The following ACAP2 variants were observed in gnomAD, a reference collection of about 807,000 sequenced individuals.
ACAP2 encodes ArfGAP with coiled-coil, ankyrin repeat and PH domains 2, also known as arf-GAP with coiled-coil, ANK repeat and PH domain-containing protein 2.
Under a neutral mutation model 115.8 loss-of-function variants are expected in ACAP2, and 39 were observed. That is an observed-to-expected ratio of 0.34 (90% CI 0.26 to 0.44). The LOEUF (loss-of-function observed/expected upper bound fraction) is 0.44. ACAP2 is among the 20% of genes least tolerant of loss of function. The pLI is 1.00. For synonymous variants in ACAP2, 289 were observed against 315.8 expected (o/e 0.92, Z 0.90); for missense variants, 662 against 927.6 (o/e 0.71, Z 3.72).
chr3:195,334,831 T>G (rs996926843), intron 7 of ACAP2, among the ~76,000 whole-genome samples: 1 of 152,204 alleles, frequency 6.6e-6, no homozygotes, highest in Non-Finnish European at 1.5e-5. Flanking sequence ...AATCTCTTGT[T>G]TATAAATAAA....
intron 4 of ACAP2, among the ~76,000 whole-genome samples, chr3:195,351,770 AT>A (rs1731627427): frequency 6.6e-6 from 1 of 152,070 alleles, no homozygotes; most frequent in Admixed American, 6.6e-5. Context: ...GCCTAAATCC[AT>A]TTTTTTAATG....
intron 4 of ACAP2, among the ~76,000 whole-genome samples, chr3:195,351,198 ACCTCCG>A (rs1308170591): frequency 2.9e-5 from 4 of 138,610 alleles, no homozygotes; most frequent in Admixed American, 1.4e-4. Flanking sequence ...GCTCACTGCA[ACCTCCG>A]CCTCCCAGGT....
chr3:195,403,921 A>T (rs115667171), intron 1 of ACAP2, among the ~76,000 whole-genome samples: 338 of 152,342 alleles, frequency 2.2e-3, no homozygotes, highest in African/African-American at 7.8e-3. Flanking sequence ...CAGCCATTAG[A>T]CTGGACATTA....
rs879392253 is a variant in ACAP2 at position 195,417,940 on chromosome 3, CA to C, written c.53+24854del. Among the ~76,000 whole-genome samples, 439 of 136,030 alleles carry C rather than the reference CA, an allele frequency of 3.2e-3. 1 individual carries two copies. Among genetic ancestry groups the C allele is most frequent in the African/African-American group, 5.8e-3 (216 of 37,132 alleles). 89.2% of individuals were successfully genotyped at this position (136,030 alleles called of 152,430 possible). A position where few individuals can be genotyped will look rare whatever the true frequency, so the allele number is the denominator to read the frequency against. On this transcript the variant is annotated intron_variant, in intron 1 of 22. Coordinates refer to ENST00000326793, the MANE Select transcript of ACAP2 (RefSeq NM_012287.6). ...TGGGTGACAGAGGGAGATCCTGTCT[CA>C]AAAAAAAAAAAAGATAGTATCACCT... is the stretch of plus-strand genomic sequence containing the variant.
rs80291978 is a variant in ACAP2, at chr3:195,360,985, A to G, written c.286-15668T>C. On this transcript the variant is annotated intron_variant, in intron 4 of 22. Coordinates refer to ENST00000326793, the MANE Select transcript of ACAP2 (RefSeq NM_012287.6). ...TCACAAAACAAGTGGTAAGAAACTCAAAAAAAAAAAAAAAAAAAACCTGAA... is the reference window on the plus strand; with the variant it reads ...TCACAAAACAAGTGGTAAGAAACTCGAAAAAAAAAAAAAAAAAAACCTGAA... Among the ~76,000 whole-genome samples, 68 of 34,434 alleles carry G rather than the reference A, an allele frequency of 2.0e-3. 1 individual carries two copies. The East Asian group carries it at 0.035, about 18-fold the overall frequency. 22.6% of individuals were successfully genotyped at this position (34,434 alleles called of 152,430 possible).
chr3:195,389,879 CAAG>C (rs1311607525), intron 2 of ACAP2, among the ~76,000 whole-genome samples: 1 of 152,216 alleles, frequency 6.6e-6, no homozygotes, highest in African/African-American at 2.4e-5. Context: ...CAGTGATGCG[CAAG>C]AAGAGCGCTG....
chr3:195,305,568 G>A (rs1445712249), intron 13 of ACAP2, among the ~76,000 whole-genome samples: 1 of 151,906 alleles, frequency 6.6e-6, no homozygotes, highest in East Asian at 2.0e-4. Context: ...ACAGGAAAGA[G>A]AAGAAACTCC....
chr3:195,373,338 C>G (rs1577375270), intron 4 of ACAP2, among the ~76,000 whole-genome samples: 1 of 151,488 alleles, frequency 6.6e-6, no homozygotes, highest in East Asian at 1.9e-4. Flanking sequence ...CATATTAATC[C>G]CAAATTAAAT....
chr3:195,341,963 T>C (rs530426384), intron 6 of ACAP2, among the ~76,000 whole-genome samples: 30 of 151,498 alleles, frequency 2.0e-4, no homozygotes, highest in African/African-American at 7.0e-4. Flanking sequence ...GCATACAGAG[T>C]GGTGTAATGT....
chr3:195,286,962 T>C (rs763991598), intron 21 of ACAP2, among the ~76,000 whole-genome samples: 19 of 152,240 alleles, frequency 1.2e-4, no homozygotes, highest in Non-Finnish European at 1.8e-4. Context: ...GTTCTACATT[T>C]TCCTGCAATA....
At chr3:195,300,021 G>C (rs1444892592) in intron 15 of ACAP2, among the ~76,000 whole-genome samples, 1 of 147,528 alleles carries the variant, frequency 6.8e-6, no homozygotes, top group Non-Finnish European at 1.5e-5. Context: ...TCTACTTTCC[G>C]TCTTTCTTTT....
At chr3:195,338,399 T>TG (rs1284120264) in intron 6 of ACAP2, among the ~76,000 whole-genome samples, 3 of 152,188 alleles carry the variant, frequency 2.0e-5, no homozygotes, top group Admixed American at 6.5e-5. Context: ...ACAATCCTCC[T>TG]GCCTTAGCCC....
At chr3:195,415,409 T>A (rs1397407706) in intron 1 of ACAP2, among the ~76,000 whole-genome samples, 1 of 151,688 alleles carries the variant, frequency 6.6e-6, no homozygotes, top group African/African-American at 2.4e-5. Flanking sequence ...CCCGAGTAAC[T>A]GGGACTACGG....
intron 4 of ACAP2, among the ~76,000 whole-genome samples, chr3:195,356,869 T>C (rs985866529): frequency 2.6e-5 from 4 of 151,652 alleles, no homozygotes; most frequent in Non-Finnish European, 5.9e-5. Context: ...GACTCAGACA[T>C]GCAGACTTCA....
chr3:195,310,384 ATAGT>A (rs1399360801), intron 10 of ACAP2, among the ~76,000 whole-genome samples: 1 of 152,242 alleles, frequency 6.6e-6, no homozygotes, highest in Non-Finnish European at 1.5e-5. Flanking sequence ...TTTGGGACAG[ATAGT>A]TGGTTAGAAA....
intron 1 of ACAP2, chr3:195,410,990 TGGACTTCCCAGCTCCAGAACTG>T (rs1187268823): frequency 2.6e-6 from 1 of 390,048 alleles, no homozygotes; most frequent in African/African-American, 2.1e-5. Flanking sequence ...ATCTTTATCT[TGGACTTCCCAGCTCCAGAACTG>T]TGAGAAATAA....
At chr3:195,433,531 G>C (rs1409699990) in intron 1 of ACAP2, among the ~76,000 whole-genome samples, 1 of 152,126 alleles carries the variant, frequency 6.6e-6, no homozygotes, top group Non-Finnish European at 1.5e-5. Context: ...TTATGTTAGG[G>C]GAAAGCTTTT....
At chr3:195,400,392 TAC>T (rs1712184023) in intron 1 of ACAP2, among the ~76,000 whole-genome samples, 1 of 152,014 alleles carries the variant, frequency 6.6e-6, no homozygotes, top group Admixed American at 6.6e-5. Context: ...AGTAGCTATA[TAC>T]AGTCATTTTT....
At chr3:195,298,494 A>T (rs930048323) in intron 15 of ACAP2, among the ~76,000 whole-genome samples, 27 of 151,768 alleles carry the variant, frequency 1.8e-4, no homozygotes, top group African/African-American at 6.3e-4. Context: ...AACATCAAGG[A>T]TGATCTGCCC....
Sources: gnomAD v4.1 joint callset for allele counts (sites outside exome capture counted in the v4.1 genomes callset) on GRCh38, gnomAD v4.1.1 for gene constraint, MANE v1.5 for transcripts, NCBI Gene and HGNC (gene_info 2026-07-23, HGNC 2026-07-21) for gene names.